Variants in PRAMEF4 observed in about 807,000 individuals in gnomAD.
PRAMEF4 encodes the protein PRAME family member 4.
In PRAMEF4, 18 loss-of-function variants were observed where a neutral mutation model predicts 34.4. That is an observed-to-expected ratio of 0.52 (90% CI 0.36 to 0.78). The LOEUF (loss-of-function observed/expected upper bound fraction) is 0.78, where lower values mean the gene tolerates loss of function less well. PRAMEF4 is among the 30% of genes least tolerant of loss of function. The pLI is 0.00. For missense variants in PRAMEF4, 482 were observed against 569.1 expected (o/e 0.85, Z 1.56); for synonymous variants, 156 against 219.3 (o/e 0.71, Z 2.55).
chr1:12,879,733 A>T lies in PRAMEF4; in HGVS notation c.1248T>A (p.Pro416=). 1 of 1,603,156 alleles carries T rather than the reference A, an allele frequency of 6.2e-7. No individual in the cohort carries two copies. The highest frequency in any genetic ancestry group is 8.5e-7 in the Non-Finnish European group (1 of 1,175,428). ...ILKNLCVELY[P]APRESYGADG... is the part of the protein sequence containing the mutation. ...CAGCACCATAACTCTCCCGGGGGGCAGGATACAGCTCCACGCATAAGTTTT... is the reference window on the plus strand; with the variant it reads ...CAGCACCATAACTCTCCCGGGGGGCTGGATACAGCTCCACGCATAAGTTTT... The change falls in exon 4 of 4, where the codon CCT becomes CCA. Residue 416 remains proline, a synonymous_variant. Transcript: ENST00000235349.
At position 12,879,876 on chromosome 1, in the gene PRAMEF4, C is replaced by G. The variant is rs749222679; in HGVS notation, c.1105G>C (p.Val369Leu). Residue 369 changes from valine (V) to leucine (L), a missense_variant, in exon 4 of 4, where the codon GTC (valine) becomes CTC (leucine). Around this residue, in one of 6 missense-constraint regions of PRAMEF4, gnomAD observed 35 missense variants for 109.2 expected, o/e 0.32. Coordinates refer to ENST00000235349, the MANE Select transcript of PRAMEF4 (RefSeq NM_001009611.4). ...LDDCGIIDSQVNAILPALSRC... is the reference protein window; with the variant it reads ...LDDCGIIDSQLNAILPALSRC... ...CTCAGGGCAGGCAAGATGGCGTTGA[C>G]TTGGGAGTCTATGATGCCACAGTCA... 4.4e-6 allele frequency: 7 copies of G among 1,600,410 alleles called. 1 individual carries two copies. The highest frequency in any genetic ancestry group is 3.3e-5 in the South Asian group (3 of 90,298).
Position 12,883,480 on chromosome 1 carries a change from A to C in PRAMEF4, c.-16-70T>G, listed in dbSNP as rs1325848121. On this transcript the variant is annotated intron_variant, in intron 1 of 3. Coordinates refer to ENST00000235349, the MANE Select transcript of PRAMEF4 (RefSeq NM_001009611.4). Reference sequence around the variant, plus strand: ...AGCCCATGCAATCTCATCCTCTCCTATGGCCAAACTCACTGCTCTGGCAAT... The same window carrying C: ...AGCCCATGCAATCTCATCCTCTCCTCTGGCCAAACTCACTGCTCTGGCAAT... 88 of 1,580,662 alleles carry C rather than the reference A, an allele frequency of 5.6e-5. 4 individuals carry two copies. The highest frequency in any genetic ancestry group is 7.4e-5 in the Non-Finnish European group (86 of 1,162,130).
chr1:12,882,535 C>A (rs1255226841), intron 2 of PRAMEF4, 100 bp from the exon 3 acceptor site: 5 of 1,512,534 alleles, frequency 3.3e-6, no homozygotes, highest in Non-Finnish European at 3.6e-6. Context: ...GCTTCTTGTC[C>A]CTCTCTCTGA....
rs1233901791 is a variant in PRAMEF4 at position 12,883,097 on chromosome 1, C to G, written c.293+5G>C. The G allele has an allele frequency of 4.4e-6, 7 of 1,600,636 alleles. 1 individual carries two copies. The highest frequency in any genetic ancestry group is 3.5e-5 in the Admixed American group (2 of 57,696). Reference sequence around the variant, plus strand: ...CTCCCCACCAGCCCACCTGGGCCACCTCACCTGGGACGAACCCCTAGGTTA... The same window carrying G: ...CTCCCCACCAGCCCACCTGGGCCACGTCACCTGGGACGAACCCCTAGGTTA... On this transcript the variant is annotated splice_donor_5th_base_variant and intron_variant, in intron 2 of 3. Transcript: ENST00000235349.
In PRAMEF4 at chr1:12,884,306, C is replaced by T. The variant is rs143548002; in HGVS notation, c.-16-896G>A. Reference sequence around the variant, plus strand: ...TACTGGGATTATAGGTGTGAGCCTCCACCCCAGCCTCATTATTGAAAATTT... The same window carrying T: ...TACTGGGATTATAGGTGTGAGCCTCTACCCCAGCCTCATTATTGAAAATTT... On this transcript the variant is annotated intron_variant, in intron 1 of 3. Transcript: ENST00000235349. Among the ~76,000 whole-genome samples the T allele has an allele frequency of 1.8e-4, 27 of 149,172 alleles. 2 individuals carry two copies. The highest frequency in any genetic ancestry group is 2.7e-4 in the African/African-American group (11 of 40,390).
rs940198374 is a variant in PRAMEF4 at position 12,879,645 on chromosome 1, C to T, written c.1336G>A (p.Asp446Asn). Residue 446 changes from aspartate (D) to asparagine (N), a missense_variant, in exon 4 of 4, where the codon GAC becomes AAC. Asp to Asn is a conservative substitution (Grantham distance 23, BLOSUM62 1). Coordinates refer to ENST00000235349, the MANE Select transcript of PRAMEF4 (RefSeq NM_001009611.4). ...IRAELMNRVR[D>N]LRHPKRILFC... The stretch of plus-strand genomic sequence containing the variant: ...AAGATCCTCTTGGGGTGCCTTAAGT[C>T]CCTCACTCTGTTCATCAGCTCAGCC... The T allele has an allele frequency of 6.3e-7, 1 of 1,597,048 alleles. No homozygotes were observed. The highest frequency in any genetic ancestry group is 8.5e-7 in the Non-Finnish European group (1 of 1,171,736).
intron 3 of PRAMEF4, among the ~76,000 whole-genome samples, chr1:12,880,574 T>C (rs61781720): frequency 0.012 from 1,742 of 148,156 alleles, 32 homozygotes; most frequent in Non-Finnish European, 0.02. Flanking sequence ...AGACTCTGTA[T>C]TAAAAAAAAA....
intron 3 of PRAMEF4, among the ~76,000 whole-genome samples, chr1:12,881,292 G>A (rs1234375660): frequency 6.7e-6 from 1 of 148,576 alleles, no homozygotes; most frequent in East Asian, 2.0e-4. Context: ...CATGAACCTG[G>A]GAGGCAGAAG....
intron 3 of PRAMEF4, among the ~76,000 whole-genome samples, chr1:12,881,302 G>T (rs1205005811): frequency 6.7e-6 from 1 of 148,644 alleles, no homozygotes; most frequent in African/African-American, 2.5e-5. Flanking sequence ...GGAGGCAGAA[G>T]TTGCTGCGAG....
intron 3 of PRAMEF4, among the ~76,000 whole-genome samples, chr1:12,881,545 T>G (rs985413074): frequency 6.8e-6 from 1 of 146,868 alleles, no homozygotes; most frequent in East Asian, 2.0e-4. Context: ...TTTCATCATC[T>G]TAACTTAGAC....
At position 12,882,598 on chromosome 1, in the gene PRAMEF4, G is replaced by GT. The variant is rs1198810165; in HGVS notation, c.294-164dup. Among the ~76,000 whole-genome samples the GT allele has an allele frequency of 9.1e-4, 129 of 142,024 alleles. 4 individuals are homozygous for GT. The highest frequency in any genetic ancestry group is 9.3e-4 in the Non-Finnish European group (61 of 65,280). The allele number at this position is 142,024 out of a possible 152,430, so 93.2% of individuals were successfully genotyped here. A position where few individuals can be genotyped will look rare whatever the true frequency, so the allele number is the denominator to read the frequency against. Reference sequence around the variant, plus strand: ...ATCCTGCCCACTTCCACATTGTTTTGTTTTTTTTTTGAGACCAAGTCTCCC... The same window carrying GT: ...ATCCTGCCCACTTCCACATTGTTTTGTTTTTTTTTTTGAGACCAAGTCTCCC... On this transcript the variant is annotated intron_variant, in intron 2 of 3. Transcript: ENST00000235349.
At chr1:12,880,279 G>T (rs1233676665) in intron 3 of PRAMEF4, among the ~76,000 whole-genome samples, 174 bp from the exon 4 acceptor site, 1 of 151,312 alleles carries the variant, frequency 6.6e-6, no homozygotes, top group Non-Finnish European at 1.5e-5. Context: ...TGCCACCGAG[G>T]TCAATTCCAC....
At chr1:12,883,542 G>C in intron 1 of PRAMEF4, 132 bp from the exon 2 acceptor site, 1 of 1,226,042 alleles carries the variant, frequency 8.2e-7, no homozygotes, top group Non-Finnish European at 1.1e-6. Flanking sequence ...ATTCTACTCT[G>C]TACTCAGTGG....
chr1:12,882,864 C>A (rs1640919239), intron 2 of PRAMEF4, among the ~76,000 whole-genome samples: 1 of 147,546 alleles, frequency 6.8e-6, no homozygotes, highest in African/African-American at 2.6e-5. Context: ...AGCCACCGTG[C>A]CCGGCCCAGT....
Position 12,882,357 on chromosome 1 carries a change from A to G in PRAMEF4, c.372T>C (p.His124=). Residue 124 remains histidine, a synonymous_variant, in exon 3 of 4, where the codon CAT becomes CAC. Transcript: ENST00000235349. The stretch of plus-strand genomic sequence containing the variant: ...TCCTCTTGGCATTGAGGAAGCACCC[A>G]TGGGCCATAGCTTCAGACCAAACCA... ...FWMVWSEAMA[H]GCFLNAKRNK... 2.5e-6 allele frequency: 4 copies of G among 1,579,454 alleles called. No individual in the cohort carries two copies. Among genetic ancestry groups the G allele is most frequent in the South Asian group, 1.1e-5 (1 of 89,728 alleles).
chr1:12,883,317 G>C lies in PRAMEF4; in HGVS notation c.78C>G (p.Ala26=). ...GRSLLRDQAL[A]MSTLEELPTE... is the part of the protein sequence containing the mutation. Reference sequence around the variant, plus strand: ...TGGGCAGCTCCTCCAGGGTGGACATGGCCAAAGCTTGGTCCCTTAGCAGGC... The same window carrying C: ...TGGGCAGCTCCTCCAGGGTGGACATCGCCAAAGCTTGGTCCCTTAGCAGGC... Residue 26 remains alanine, a synonymous_variant, in exon 2 of 4, where the codon GCC becomes GCG. Transcript: ENST00000235349. 4.4e-6 allele frequency: 7 copies of C among 1,594,006 alleles called. No homozygotes were observed. Among genetic ancestry groups the C allele is most frequent in the Non-Finnish European group, 6.0e-6 (7 of 1,169,734 alleles).
rs1411066698 is a variant in PRAMEF4 at position 12,883,304 on chromosome 1, C to T, written c.91G>A (p.Glu31Lys). The T allele has an allele frequency of 1.3e-6, 2 of 1,599,970 alleles. No individual in the cohort carries two copies. The highest frequency in any genetic ancestry group is 1.7e-5 in the Admixed American group (1 of 57,598). ...RDQALAMSTL[E>K]ELPTELFPPL... Reference sequence around the variant, plus strand: ...GGGAAAAGTTCTGTGGGCAGCTCCTCCAGGGTGGACATGGCCAAAGCTTGG... The same window carrying T: ...GGGAAAAGTTCTGTGGGCAGCTCCTTCAGGGTGGACATGGCCAAAGCTTGG... Residue 31 changes from glutamate to lysine, a missense_variant, in exon 2 of 4, where the codon GAG becomes AAG. By Grantham distance (56) the Glu-to-Lys change is moderately conservative. This residue lies in a region of PRAMEF4 where 172 missense variants were observed against 130.2 expected (regional missense o/e 1.32). Transcript: ENST00000235349.
intron 3 of PRAMEF4, among the ~76,000 whole-genome samples, chr1:12,881,407 T>G (rs1640884973): frequency 6.7e-6 from 1 of 149,162 alleles, no homozygotes; most frequent in Non-Finnish European, 1.5e-5. Context: ...CTTTTGTTTA[T>G]TCATTTCTGA....
rs1379826564 is a variant in PRAMEF4, at chr1:12,882,110, C to G, written c.619G>C (p.Asp207His). Residue 207 changes from aspartate (D) to histidine (H), a missense_variant, in exon 3 of 4, where the codon GAC (aspartate) becomes CAC (histidine). This residue lies in a region of PRAMEF4 where 72 missense variants were observed against 128.9 expected (regional missense o/e 0.56). Transcript: ENST00000235349. ...IRSILKMVNL[D>H]CIQEVEVNCK... ...TTCACTTCCACCTCCTGGATACAGT[C>G]TAGGTTCACCATTTTCAGGATGCTT... The G allele has an allele frequency of 6.3e-7, 1 of 1,583,934 alleles. No homozygotes were observed. The highest frequency in any genetic ancestry group is 1.4e-5 in the African/African-American group (1 of 70,864).
Sources: allele counts gnomAD v4.1 joint callset (sites outside exome capture counted in the v4.1 genomes callset), GRCh38; gene constraint gnomAD v4.1.1; regional missense constraint gnomAD v4.1.1; transcripts MANE v1.5; gene names NCBI Gene and HGNC (gene_info 2026-07-23, HGNC 2026-07-21).